The following GALNT14 variants were observed in gnomAD, a reference collection of about 807,000 sequenced individuals.
GALNT14 encodes UDP-GalNAc:polypeptide N-acetylgalactosaminyltransferase 14.
Under a neutral mutation model 77.5 loss-of-function variants are expected in GALNT14, and 60 were observed. The ratio of observed to expected loss-of-function variants is 0.77; its 90% CI spans 0.63 to 0.96. The LOEUF is 0.96. Among genes scored for constraint, GALNT14 ranks in the 40% least tolerant of loss-of-function variants. The pLI, the probability that GALNT14 is intolerant of heterozygous loss-of-function variation, is 0.00. For synonymous variants in GALNT14, 280 were observed against 281.7 expected, an observed-to-expected ratio of 0.99 and a Z score of 0.06; for missense variants, 710 against 731.0, an observed-to-expected ratio of 0.97 and a Z score of 0.33.
At chr2:31,003,939 T>G (rs1345199006) in intron 1 of GALNT14, among the ~76,000 whole-genome samples, 1 of 152,162 alleles carries the variant, frequency 6.6e-6, no homozygotes, top group Non-Finnish European at 1.5e-5. Flanking sequence ...CCAGGAAGCG[T>G]GAGCTCTAAT....
chr2:31,130,345 G>C (rs1363801526), intron 1 of GALNT14, among the ~76,000 whole-genome samples: 2 of 152,194 alleles, frequency 1.3e-5, no homozygotes, highest in African/African-American at 4.8e-5. Flanking sequence ...CCTGACCTTG[G>C]GGCCTGCAGG....
Position 31,099,329 on chromosome 2 carries a change from AC to A in GALNT14, c.129+38628del, listed in dbSNP as rs140410310. On this transcript the variant is annotated intron_variant, in intron 1 of 14. Coordinates refer to ENST00000349752, the MANE Select transcript of GALNT14 (RefSeq NM_024572.4). The stretch of plus-strand genomic sequence containing the variant: ...AATTCATTTTTATTGACCCTTTGGA[AC>A]TCTTTATTTAAGTTGATTAGGCCTT... Among the ~76,000 whole-genome samples, 691 of 141,048 alleles carry A rather than the reference AC, an allele frequency of 4.9e-3. 47 individuals carry two copies. The East Asian group carries it at 0.11, about 23-fold the overall frequency. 92.5% of individuals were successfully genotyped at this position (141,048 alleles called of 152,430 possible).
Position 31,059,020 on chromosome 2 carries a change from T to G in GALNT14, c.130-66013A>C, listed in dbSNP as rs372573433. ...CAGAAAAGGCATTGAAGAGATACGG[T>G]CATCTGCCTACCAGCCATTGAGTGT... On this transcript the variant is annotated intron_variant, in intron 1 of 14. Coordinates refer to ENST00000349752, the MANE Select transcript of GALNT14 (RefSeq NM_024572.4). 2.0e-5 allele frequency among the ~76,000 whole-genome samples: 3 copies of G among 152,222 alleles called. No individual in the cohort carries two copies. In the East Asian group the frequency reaches 5.8e-4, roughly 29 times the overall value.
At chr2:30,954,952 T>C (rs993209887) in intron 6 of GALNT14, among the ~76,000 whole-genome samples, 9 of 152,256 alleles carry the variant, frequency 5.9e-5, no homozygotes, top group African/African-American at 2.2e-4. Flanking sequence ...AGTCATTGAA[T>C]TGATACTGCC....
chr2:31,059,423 G>A (rs1285952364), intron 1 of GALNT14, among the ~76,000 whole-genome samples: 1 of 152,138 alleles, frequency 6.6e-6, no homozygotes, highest in Non-Finnish European at 1.5e-5. Flanking sequence ...ACTATGATCT[G>A]AACATCTGTG....
chr2:31,038,791 G>C (rs1672922336), intron 1 of GALNT14, among the ~76,000 whole-genome samples: 1 of 151,588 alleles, frequency 6.6e-6, no homozygotes, highest in African/African-American at 2.4e-5. Flanking sequence ...TGTCGCCCAG[G>C]CTGGAGTGCA....
At chr2:30,965,859 T>C (rs1667973234) in intron 3 of GALNT14, among the ~76,000 whole-genome samples, 1 of 152,080 alleles carries the variant, frequency 6.6e-6, no homozygotes, top group Non-Finnish European at 1.5e-5. Context: ...TTTCAGGGCC[T>C]CAGCCCCTTC....
intron 1 of GALNT14, among the ~76,000 whole-genome samples, chr2:31,045,683 G>A (rs943889264): frequency 6.6e-6 from 1 of 151,946 alleles, no homozygotes; most frequent in Non-Finnish European, 1.5e-5. Flanking sequence ...GGCTGGTCTC[G>A]AACTCCTGAC....
In GALNT14 at chr2:31,129,821, C is replaced by G. The variant is rs143919255; in HGVS notation, c.129+8137G>C. On this transcript the variant is annotated intron_variant, in intron 1 of 14. Transcript: ENST00000349752. Reference sequence around the variant, plus strand: ...CAACTAAGGAAGAAAATCCTTATTTCCAAACCATAGTGCAAACAGAGAAAA... The same window carrying G: ...CAACTAAGGAAGAAAATCCTTATTTGCAAACCATAGTGCAAACAGAGAAAA... 2.0e-5 allele frequency among the ~76,000 whole-genome samples: 3 copies of G among 152,296 alleles called. No individual in the cohort carries two copies. The East Asian group carries it at 5.8e-4, about 29-fold the overall frequency.
At chr2:31,019,553 C>G (rs932849047) in intron 1 of GALNT14, among the ~76,000 whole-genome samples, 3 of 152,176 alleles carry the variant, frequency 2.0e-5, no homozygotes, top group African/African-American at 7.2e-5. Context: ...CCCCACAACC[C>G]AGTCCTGCAC....
chr2:30,961,740 G>A (rs1050886559), intron 3 of GALNT14, among the ~76,000 whole-genome samples: 6 of 151,156 alleles, frequency 4.0e-5, no homozygotes, highest in Non-Finnish European at 8.8e-5. Context: ...GGAGTGCAAT[G>A]GCACAATCTC....
intron 1 of GALNT14, among the ~76,000 whole-genome samples, chr2:30,998,241 C>T (rs1670159019): frequency 6.6e-6 from 1 of 152,164 alleles, no homozygotes; most frequent in Non-Finnish European, 1.5e-5. Flanking sequence ...CTTAATTTCT[C>T]TCCTCCCACC....
chr2:30,967,692 C>T (rs1668096934), intron 2 of GALNT14, among the ~76,000 whole-genome samples: 1 of 152,202 alleles, frequency 6.6e-6, no homozygotes, highest in African/African-American at 2.4e-5. Flanking sequence ...CTCAGACAGT[C>T]CTTTTTTCTC....
chr2:30,945,159 C>G (rs1342591594), intron 7 of GALNT14, among the ~76,000 whole-genome samples: 1 of 152,240 alleles, frequency 6.6e-6, no homozygotes, highest in Admixed American at 6.5e-5. Context: ...TACCACCTCT[C>G]TGAGCCTTCT....
At chr2:30,977,197 C>G (rs1267719916) in intron 2 of GALNT14, among the ~76,000 whole-genome samples, 1 of 151,516 alleles carries the variant, frequency 6.6e-6, no homozygotes, top group African/African-American at 2.4e-5. Context: ...TCAAGCAATT[C>G]TCATGCCTCA....
At position 30,945,422 on chromosome 2, in the gene GALNT14, TACTCCTGTTA is replaced by T. The variant is rs1212088704; in HGVS notation, c.742+351_742+360del. Among the ~76,000 whole-genome samples, 3 of 152,334 alleles carry T rather than the reference TACTCCTGTTA, an allele frequency of 2.0e-5. No individual in the cohort carries two copies. In the East Asian group the frequency reaches 5.8e-4, roughly 29 times the overall value. On this transcript the variant is annotated intron_variant, in intron 7 of 14. Transcript: ENST00000349752. ...AACATGCTCCCTTCTCTAAGGTCCC[TACTCCTGTTA>T]ACAGAATAATCACGTCTCTAGGAGA... is the stretch of plus-strand genomic sequence containing the variant.
chr2:30,911,035 T>C lies in GALNT14; in HGVS notation c.1525A>G (p.Ile509Val), dbSNP rs1424809441. 2.5e-6 allele frequency: 4 copies of C among 1,614,018 alleles called. No homozygotes were observed. The South Asian group carries it at 4.4e-5, about 18-fold the overall frequency. ...CAGAGGTGGGATGCTATGTGCTCGA[T>C]GTGGGAACCAGTTTTGGTCCATTGC... ...RQQWTKTGSH[I>V]EHIASHLCLD... is the part of the protein sequence containing the mutation. Residue 509 changes from isoleucine to valine, a missense_variant, in exon 15 of 15, where the codon ATC (isoleucine) becomes GTC (valine). Coordinates refer to ENST00000349752, the MANE Select transcript of GALNT14 (RefSeq NM_024572.4).
chr2:31,006,890 G>C (rs922611156), intron 1 of GALNT14, among the ~76,000 whole-genome samples: 1 of 152,174 alleles, frequency 6.6e-6, no homozygotes. Flanking sequence ...CGCCTGCTAG[G>C]GGGAGGATAG....
rs1427895619 is a variant in GALNT14 at position 30,968,885 on chromosome 2, C to T, written c.300-2583G>A. ...GACCTTGGCCTTGCTTATCTTTGGA[C>T]ACAGACCTGACTCACTTAGGAGCAG... On this transcript the variant is annotated intron_variant, in intron 2 of 14. Transcript: ENST00000349752. Among the ~76,000 whole-genome samples, 3 of 152,294 alleles carry T rather than the reference C, an allele frequency of 2.0e-5. No individual in the cohort carries two copies. In the East Asian group the frequency reaches 5.8e-4, roughly 29 times the overall value.
Sources: allele counts gnomAD v4.1 joint callset (sites outside exome capture counted in the v4.1 genomes callset), GRCh38; gene constraint gnomAD v4.1.1; transcripts MANE v1.5; gene names NCBI Gene and HGNC (gene_info 2026-07-23, HGNC 2026-07-21).